Variants in POU2F1 observed in about 807,000 individuals in gnomAD.
The protein encoded by POU2F1 is POU class 2 homeobox 1.
POU2F1 carries 16 observed loss-of-function variants against 84.9 expected under a neutral mutation model. That is an observed-to-expected ratio of 0.19 (90% CI 0.13 to 0.29). The LOEUF is 0.29. POU2F1 is among the 10% of genes least tolerant of loss of function. The pLI is 1.00. For missense variants in POU2F1, 738 were observed against 942.6 expected, an observed-to-expected ratio of 0.78 and a Z score of 2.84; for synonymous variants, 368 against 368.3, an observed-to-expected ratio of 1.00 and a Z score of 0.01.
chr1:167,297,654 T>G (rs1261472188), intron 1 of POU2F1, among the ~76,000 whole-genome samples: 2 of 152,216 alleles, frequency 1.3e-5, no homozygotes, highest in African/African-American at 4.8e-5. Flanking sequence ...TTCAGGCCCT[T>G]TCCTTGTCCT....
intron 2 of POU2F1, among the ~76,000 whole-genome samples, chr1:167,352,880 GTA>G (rs1658671749): frequency 6.6e-6 from 1 of 152,182 alleles, no homozygotes. Context: ...TAGTAAGAAG[GTA>G]TAGATTATTG....
chr1:167,383,808 G>A, intron 7 of POU2F1, 49 bp from the exon 8 acceptor site: 2 of 1,503,878 alleles, frequency 1.3e-6, no homozygotes, highest in African/African-American at 1.4e-5. Context: ...TTTGCCATGT[G>A]TTCGAAGAAA....
chr1:167,375,913 C>G, intron 6 of POU2F1, 116 bp from the exon 7 acceptor site: 2 of 1,265,924 alleles, frequency 1.6e-6, no homozygotes, highest in Non-Finnish European at 2.2e-6. Context: ...TGAAAGCATG[C>G]GAAGTATTTA....
chr1:167,352,835 C>T (rs765260949), intron 2 of POU2F1, among the ~76,000 whole-genome samples: 26 of 152,248 alleles, frequency 1.7e-4, no homozygotes, highest in Admixed American at 5.9e-4. Context: ...CCCTCACTCC[C>T]ACAAAATGTT....
At chr1:167,294,641 A>G (rs1654165186) in intron 1 of POU2F1, among the ~76,000 whole-genome samples, 1 of 152,216 alleles carries the variant, frequency 6.6e-6, no homozygotes, top group South Asian at 2.1e-4. Flanking sequence ...AAAATAAGAT[A>G]TACAAGTGGT....
intron 2 of POU2F1, among the ~76,000 whole-genome samples, chr1:167,364,524 G>A (rs1266922514): frequency 4.7e-5 from 2 of 42,774 alleles, no homozygotes; most frequent in East Asian, 7.5e-4. Context: ...AGCGAGCTCC[G>A]TCTCAAAAAA....
At chr1:167,301,791 C>T (rs989918186) in intron 1 of POU2F1, among the ~76,000 whole-genome samples, 2 of 151,994 alleles carry the variant, frequency 1.3e-5, no homozygotes, top group African/African-American at 4.8e-5. Context: ...CTCAATTTTT[C>T]GCTATTCCTT....
intron 1 of POU2F1, among the ~76,000 whole-genome samples, chr1:167,300,084 TA>T (rs994263022): frequency 2.0e-5 from 3 of 152,068 alleles, no homozygotes; most frequent in African/African-American, 7.2e-5. Flanking sequence ...TACACAACCA[TA>T]AAAAGAACAA....
At chr1:167,390,527 G>GTA (rs1648324816) in intron 9 of POU2F1, among the ~76,000 whole-genome samples, 1 of 152,202 alleles carries the variant, frequency 6.6e-6, no homozygotes, top group African/African-American at 2.4e-5. Context: ...GCTCTAATCT[G>GTA]TAATCCCAGC....
intron 2 of POU2F1, among the ~76,000 whole-genome samples, chr1:167,340,752 G>A (rs148083083): frequency 8.7e-4 from 133 of 152,082 alleles, no homozygotes; most frequent in African/African-American, 2.9e-3. Flanking sequence ...TCTCCGATGC[G>A]CAAGATAACA....
intron 7 of POU2F1, chr1:167,380,558 G>C (rs1647459248): frequency 6.6e-6 from 1 of 152,204 alleles, no homozygotes; most frequent in Non-Finnish European, 1.5e-5. Flanking sequence ...TAGAGGATCA[G>C]CGTAGTGGAA....
intron 1 of POU2F1, among the ~76,000 whole-genome samples, chr1:167,327,705 C>G (rs1450899261): frequency 2.6e-5 from 4 of 152,120 alleles, no homozygotes; most frequent in African/African-American, 7.2e-5. Context: ...GAAAACAAAC[C>G]ATTCAGTCTG....
chr1:167,401,218 C>CTTAGAGTATATCTGTCT (rs1221867473), intron 12 of POU2F1, among the ~76,000 whole-genome samples: 5 of 152,104 alleles, frequency 3.3e-5, no homozygotes, highest in Non-Finnish European at 1.5e-5. Context: ...TTCTTACCGA[C>CTTAGAGTATATCTGTCT]TTAGAGTATA....
intron 1 of POU2F1, among the ~76,000 whole-genome samples, chr1:167,306,899 A>T (rs1056079627): frequency 6.6e-5 from 10 of 152,242 alleles, no homozygotes; most frequent in African/African-American, 1.7e-4. Context: ...GTAGACTTTA[A>T]CATCTTTTTG....
intron 4 of POU2F1, among the ~76,000 whole-genome samples, chr1:167,371,274 C>T (rs1268363913): frequency 6.6e-6 from 1 of 152,184 alleles, no homozygotes; most frequent in Non-Finnish European, 1.5e-5. Context: ...CAGAATTAAT[C>T]AGAGCATTTA....
intron 1 of POU2F1, among the ~76,000 whole-genome samples, chr1:167,296,695 G>C (rs537070580): frequency 2.0e-5 from 3 of 152,208 alleles, no homozygotes; most frequent in Admixed American, 1.3e-4. Flanking sequence ...AAATGTATAT[G>C]GTAAATGTTA....
At chr1:167,270,500 A>T (rs1652293001) in intron 1 of POU2F1, among the ~76,000 whole-genome samples, 1 of 152,154 alleles carries the variant, frequency 6.6e-6, no homozygotes, top group Non-Finnish European at 1.5e-5. Context: ...TCTGTGTAGG[A>T]TGTTCTAAAG....
intron 1 of POU2F1, among the ~76,000 whole-genome samples, chr1:167,271,036 A>G (rs1652333284): frequency 6.6e-6 from 1 of 152,232 alleles, no homozygotes; most frequent in Non-Finnish European, 1.5e-5. Flanking sequence ...CAGTGTTAAC[A>G]CATTTCAAAT....
At chr1:167,375,747 A>G (rs1200572218) in intron 6 of POU2F1, among the ~76,000 whole-genome samples, 1 of 152,212 alleles carries the variant, frequency 6.6e-6, no homozygotes, top group African/African-American at 2.4e-5. Flanking sequence ...GATAAAAAAC[A>G]GAAGTATATT....
Sources: allele counts gnomAD v4.1 joint callset (sites outside exome capture counted in the v4.1 genomes callset), GRCh38; gene constraint gnomAD v4.1.1; transcripts MANE v1.5; gene names NCBI Gene and HGNC (gene_info 2026-07-23, HGNC 2026-07-21).